ZNF454: variants seen among roughly 807,000 people sequenced by gnomAD.
ZNF454 encodes zinc finger protein 454.
In ZNF454, 30 loss-of-function variants were observed where a neutral mutation model predicts 48.2. The ratio of observed to expected loss-of-function variants is 0.62; its 90% CI spans 0.47 to 0.84. The LOEUF (loss-of-function observed/expected upper bound fraction) is 0.84. ZNF454 is among the 40% of genes least tolerant of loss of function. The pLI is 0.00. For missense variants in ZNF454, 510 were observed against 623.1 expected (o/e 0.82, Z 1.93); for synonymous variants, 204 against 211.4 (o/e 0.97, Z 0.30).
Position 178,946,599 on chromosome 5 carries a change from G to A in ZNF454, c.160+114G>A, listed in dbSNP as rs1759348934. On this transcript the variant is annotated intron_variant, in intron 3 of 4. Transcript: ENST00000519564. This position sits in a 1 kb window ranked among gnomAD's most constrained non-coding sequence, Gnocchi z 4.5. Reference sequence around the variant, plus strand: ...CCAACTGAGGACGCTGTCTTCAAGGGTGCCATTAATTTTACCTGTCCTTGG... The same window carrying A: ...CCAACTGAGGACGCTGTCTTCAAGGATGCCATTAATTTTACCTGTCCTTGG... The A allele has an allele frequency of 1.4e-6, 2 of 1,419,620 alleles. No homozygotes were observed. Among genetic ancestry groups the A allele is most frequent in the Non-Finnish European group, 9.4e-7 (1 of 1,060,322 alleles). The allele number at this position is 1,419,620 out of a possible 1,614,324, so 87.9% of individuals were successfully genotyped here.
the ZNF454 span, chr5:178,983,052 C>T: frequency 9.3e-6 from 15 of 1,614,048 alleles, no homozygotes; most frequent in Non-Finnish European, 1.2e-5. Context: ...GTACACTGTG[C>T]ACGTGACCAT....
chr5:178,954,611 A>C (rs1013715627), intron 4 of ZNF454, among the ~76,000 whole-genome samples: 13 of 152,222 alleles, frequency 8.5e-5, no homozygotes, highest in Non-Finnish European at 1.8e-4. Flanking sequence ...GAAGTGTAAA[A>C]TTTGATCAGT....
At position 178,965,091 on chromosome 5, in the gene ZNF454, G is replaced by T. The variant is rs191135491; in HGVS notation, c.687G>T (p.Thr229=). Reference sequence around the variant, plus strand: ...GTGGGAAAGCCTTTCACCAGAGTACGCACCTTATCCATCACCAAAGAATTC... The same window carrying T: ...GTGGGAAAGCCTTTCACCAGAGTACTCACCTTATCCATCACCAAAGAATTC... ...RECGKAFHQS[T]HLIHHQRIHT... is the part of the protein sequence containing the mutation. Residue 229 remains threonine, a synonymous_variant, in exon 5 of 5, where the codon ACG becomes ACT. Coordinates refer to ENST00000519564, the MANE Select transcript of ZNF454 (RefSeq NM_001178089.3). The surrounding 1 kb of genome is among the most constrained non-coding windows in gnomAD (Gnocchi z 5.2). 1.9e-6 allele frequency: 3 copies of T among 1,613,932 alleles called. No individual in the cohort carries two copies. Among genetic ancestry groups the T allele is most frequent in the African/African-American group, 2.7e-5 (2 of 74,962 alleles).
intron 4 of ZNF454, among the ~76,000 whole-genome samples, chr5:178,957,842 G>T (rs1759839019): frequency 2.0e-5 from 3 of 152,130 alleles, no homozygotes; most frequent in Admixed American, 1.3e-4. Flanking sequence ...GGATGCATTT[G>T]ACTCCCCTCT....
chr5:178,951,101 G>A (rs1471067596), intron 4 of ZNF454, among the ~76,000 whole-genome samples: 3 of 151,868 alleles, frequency 2.0e-5, no homozygotes, highest in Non-Finnish European at 2.9e-5. Context: ...CTTGTGATCC[G>A]CCCACCTCGG....
At chr5:178,967,736 C>CTTTTTTT (rs1760184573), downstream of ZNF454, among the ~76,000 whole-genome samples, 1 of 67,858 alleles carries the variant, frequency 1.5e-5, no homozygotes, top group African/African-American at 4.5e-5. Context: ...TTTTCTTTTT[C>CTTTTTTT]TTTTTCTTTT....
downstream of ZNF454, among the ~76,000 whole-genome samples, chr5:178,969,927 G>A (rs1358248325): frequency 6.6e-6 from 1 of 152,120 alleles, no homozygotes; most frequent in Non-Finnish European, 1.5e-5. Context: ...TCTCCTGCCG[G>A]GTGCCCCTCA....
chr5:178,960,934 C>CTTT (rs35611675), intron 4 of ZNF454, among the ~76,000 whole-genome samples: 5 of 139,498 alleles, frequency 3.6e-5, no homozygotes, highest in Admixed American at 7.3e-5. Flanking sequence ...GTCTCACAAT[C>CTTT]TTTTTTTTTT....
In ZNF454 at chr5:178,965,624, C is replaced by T. The variant is rs1760123759; in HGVS notation, c.1220C>T (p.Thr407Ile). 6.2e-7 allele frequency: 1 copy of T among 1,614,118 alleles called. No homozygotes were observed. Among genetic ancestry groups the T allele is most frequent in the Non-Finnish European group, 8.5e-7 (1 of 1,180,036 alleles). Residue 407 changes from threonine to isoleucine, a missense_variant, in exon 5 of 5, where the codon ACT becomes ATT. This residue lies in a region of ZNF454 where 153 missense variants were observed against 195.8 expected (regional missense o/e 0.78). Coordinates refer to ENST00000519564, the MANE Select transcript of ZNF454 (RefSeq NM_001178089.3). The surrounding 1 kb of genome is among the most constrained non-coding windows in gnomAD (Gnocchi z 5.2). ...SSFARHRKIH[T>I]GEKPYRCGLC... ...TTTGCACGACATCGGAAAATTCACA[C>T]TGGAGAGAAACCTTACAGATGTGGC...
the ZNF454 span, chr5:178,981,804 C>T: frequency 2.4e-5 from 38 of 1,612,958 alleles, no homozygotes; most frequent in South Asian, 2.3e-4. This position sits in a 1 kb window ranked among gnomAD's most constrained non-coding sequence, Gnocchi z 5.1. Flanking sequence ...CGAGGGACAC[C>T]GAGGCACTCA....
chr5:178,951,083 C>T (rs547328487), intron 4 of ZNF454, among the ~76,000 whole-genome samples: 1 of 152,180 alleles, frequency 6.6e-6, no homozygotes, highest in South Asian at 2.1e-4. Flanking sequence ...TGCTCTCGAT[C>T]TCCTGACCTT....
chr5:178,950,997 CTACCGGTGCCTGCCACCA>C (rs1344965981), intron 4 of ZNF454, among the ~76,000 whole-genome samples: 4 of 151,928 alleles, frequency 2.6e-5, no homozygotes, highest in Non-Finnish European at 4.4e-5. Context: ...AGAGCTGGGA[CTACCGGTGCCTGCCACCA>C]CGCCCGGCTA....
At chr5:178,976,474 A>G in the ZNF454 span, among the ~76,000 whole-genome samples, 1 of 151,554 alleles carries the variant, frequency 6.6e-6, no homozygotes, top group Non-Finnish European at 1.5e-5. Flanking sequence ...GGCAGTGAGG[A>G]GGGGCTAGCT....
intron 4 of ZNF454, among the ~76,000 whole-genome samples, chr5:178,960,104 C>T (rs1438306280): frequency 6.6e-6 from 1 of 151,276 alleles, no homozygotes; most frequent in African/African-American, 2.4e-5. Context: ...AACACATCAC[C>T]ATGCCTGGCT....
the ZNF454 span, among the ~76,000 whole-genome samples, chr5:178,988,124 A>C: frequency 6.6e-6 from 1 of 152,150 alleles, no homozygotes; most frequent in Non-Finnish European, 1.5e-5. This position sits in a 1 kb window ranked among gnomAD's most constrained non-coding sequence, Gnocchi z 6.0. Context: ...ATTTTATATT[A>C]TATGTATTTT....
At chr5:178,977,256 C>T in the ZNF454 span, 4 of 275,910 alleles carry the variant, frequency 1.4e-5, no homozygotes, top group Non-Finnish European at 2.3e-5. Context: ...GTATTTGGAG[C>T]TGGGGCCTTT....
chr5:178,988,233 G>A, the ZNF454 span, among the ~76,000 whole-genome samples: 1 of 152,146 alleles, frequency 6.6e-6, no homozygotes, highest in Admixed American at 6.5e-5. The surrounding 1 kb of genome is among the most constrained non-coding windows in gnomAD (Gnocchi z 6.0). Flanking sequence ...GGAATGACTT[G>A]AACAATGAGC....
chr5:178,948,209 G>T (rs994596711), intron 4 of ZNF454: 1 of 151,696 alleles, frequency 6.6e-6, no homozygotes, highest in Non-Finnish European at 1.5e-5. Flanking sequence ...GCCACCTCAT[G>T]TGTCTAGAAA....
intron 4 of ZNF454, among the ~76,000 whole-genome samples, chr5:178,961,817 C>CAA (rs58158882): frequency 3.2e-4 from 40 of 125,718 alleles, no homozygotes; most frequent in Non-Finnish European, 3.7e-4. Flanking sequence ...GACTCTGTCT[C>CAA]AAAAAAAAAA....
Sources: gnomAD v4.1 joint callset for allele counts (sites outside exome capture counted in the v4.1 genomes callset) on GRCh38, gnomAD v4.1.1 for gene constraint, gnomAD v4.1.1 regional missense constraint, Gnocchi (gnomAD v3.1) non-coding constraint, MANE v1.5 for transcripts, NCBI Gene and HGNC (gene_info 2026-07-23, HGNC 2026-07-21) for gene names.